Variants in CEP72 observed in about 807,000 individuals in gnomAD.
CEP72 encodes the protein centrosomal protein of 72 kDa.
CEP72 carries 78 observed loss-of-function variants against 65.7 expected under a neutral mutation model. The observed-to-expected ratio is 1.19, with a 90% CI of 0.99 to 1.43. The LOEUF (loss-of-function observed/expected upper bound fraction) is 1.43, where lower values mean the gene tolerates loss of function less well. Among genes scored for constraint, CEP72 ranks in the 40% most tolerant of loss-of-function variants. The pLI, the probability that CEP72 is intolerant of heterozygous loss-of-function variation, is 0.00. For missense variants in CEP72, 914 were observed against 832.9 expected, an observed-to-expected ratio of 1.10 and a Z score of -1.20; for synonymous variants, 358 against 351.7, an observed-to-expected ratio of 1.02 and a Z score of -0.20.
At chr5:620,295 G>T (rs763035416) in intron 3 of CEP72, 34 bp downstream of exon 3, 33 of 1,590,188 alleles carry the variant, frequency 2.1e-5, no homozygotes, top group Admixed American at 5.0e-5. Context: ...TCATGCTTTT[G>T]TCCCCGTGGG....
Position 624,115 on chromosome 5 carries a change from C to T in CEP72, c.404-356C>T, listed in dbSNP as rs1450088029. ...TCCTGGAAGTTGCAGCCTCTCGGGC[C>T]GGGCAGGCTCCCTCCGTGGAGGCTT... is the stretch of plus-strand genomic sequence containing the variant. On this transcript the variant is annotated intron_variant, in intron 3 of 11. Coordinates refer to ENST00000264935, the MANE Select transcript of CEP72 (RefSeq NM_018140.4). The surrounding 1 kb of genome is among the most constrained non-coding windows in gnomAD (Gnocchi z 4.7). Among the ~76,000 whole-genome samples, 3 of 152,184 alleles carry T rather than the reference C, an allele frequency of 2.0e-5. No homozygotes were observed. The highest frequency in any genetic ancestry group is 2.9e-5 in the Non-Finnish European group (2 of 68,038).
intron 9 of CEP72, chr5:641,568 A>G (rs1028430861): frequency 1.0e-6 from 1 of 985,242 alleles, no homozygotes; most frequent in African/African-American, 1.7e-5. Flanking sequence ...GTTTAAACGC[A>G]CGTGGCCCCC....
At chr5:635,316 T>G in intron 5 of CEP72, 56 bp from the exon 6 acceptor site, 1 of 1,344,074 alleles carries the variant, frequency 7.4e-7, no homozygotes, top group Non-Finnish European at 1.0e-6. Flanking sequence ...TAATTTTTGA[T>G]GGAATAAAAC....
intron 4 of CEP72, among the ~76,000 whole-genome samples, chr5:632,222 G>T: frequency 1.6e-5 from 1 of 63,618 alleles, no homozygotes; most frequent in East Asian, 5.5e-4. Flanking sequence ...CCAGTGTCGG[G>T]ATTTGACCCA....
At chr5:675,684 C>A in the CEP72 span, 1 of 154,688 alleles carries the variant, frequency 6.5e-6, no homozygotes, top group Non-Finnish European at 1.4e-5. Context: ...CCTTGTTGGG[C>A]CCCTGCTGGT....
chr5:628,818 G>A (rs71585251), intron 4 of CEP72, among the ~76,000 whole-genome samples: 2,599 of 102,412 alleles, frequency 0.025, 62 homozygotes, highest in East Asian at 0.067. Context: ...AACTCAGGTT[G>A]CCGTCCCCAG....
chr5:643,841 T>C (rs1738228072), intron 9 of CEP72, among the ~76,000 whole-genome samples: 1 of 152,168 alleles, frequency 6.6e-6, no homozygotes, highest in Non-Finnish European at 1.5e-5. Flanking sequence ...TTCTCCATAC[T>C]TTGAGGATAT....
At chr5:622,737 G>A (rs6886657) in intron 3 of CEP72, among the ~76,000 whole-genome samples, 6 of 150,588 alleles carry the variant, frequency 4.0e-5, no homozygotes, top group Non-Finnish European at 8.9e-5. Flanking sequence ...GGATGGGGCC[G>A]TGGACATTAA....
chr5:669,884 C>T (rs562819534), downstream of CEP72, among the ~76,000 whole-genome samples: 25 of 152,242 alleles, frequency 1.6e-4, no homozygotes, highest in African/African-American at 4.6e-4. Flanking sequence ...TCTGGCTGCC[C>T]GGCTCTCCTG....
intron 11 of CEP72, among the ~76,000 whole-genome samples, chr5:649,887 G>T (rs111206007): frequency 1.0e-4 from 10 of 96,746 alleles, no homozygotes; most frequent in East Asian, 3.6e-4. Context: ...CTGTGAGGTG[G>T]GACTGTGAGG....
chr5:620,244 C>G lies in CEP72; in HGVS notation c.386C>G (p.Pro129Arg). The change falls in exon 3 of 12, where the codon CCC becomes CGC. Residue 129 changes from proline to arginine, a missense_variant. Coordinates refer to ENST00000264935, the MANE Select transcript of CEP72 (RefSeq NM_018140.4). ...CGCCTTTTTGTTGTGCACCTGCTCC[C>G]CAAGCTCCAGCAGCTGGGTAGGCAT... ...DYRLFVVHLLPKLQQLDDRPV... is the reference protein window; with the variant it reads ...DYRLFVVHLLRKLQQLDDRPV... 1.2e-6 allele frequency: 2 copies of G among 1,613,654 alleles called. No individual in the cohort carries two copies. The highest frequency in any genetic ancestry group is 1.7e-6 in the Non-Finnish European group (2 of 1,179,556).
At chr5:617,679 C>G (rs989935371) in intron 1 of CEP72, among the ~76,000 whole-genome samples, 13 of 152,352 alleles carry the variant, frequency 8.5e-5, no homozygotes, top group African/African-American at 3.1e-4. Context: ...GAGACGATGC[C>G]TGAGGGCTAC....
downstream of CEP72, among the ~76,000 whole-genome samples, chr5:669,783 CTCTCCCCA>C (rs1250381152): frequency 6.6e-6 from 1 of 152,042 alleles, no homozygotes; most frequent in African/African-American, 2.4e-5. Flanking sequence ...GGGCGGGGAG[CTCTCCCCA>C]GGAGACCCGG....
rs1489779880 is a variant in CEP72 at position 647,799 on chromosome 5, T to A, written c.1667-6T>A. 64 of 1,598,584 alleles carry A rather than the reference T, an allele frequency of 4.0e-5. No homozygotes were observed. The highest frequency in any genetic ancestry group is 4.9e-5 in the Non-Finnish European group (58 of 1,172,412). ...AATGGTACTTTTTTTTTTCTTTCTC[T>A]TTCAGGACTTCAAACAAGTGTGAAG... On this transcript the variant is annotated splice_polypyrimidine_tract_variant and splice_region_variant and intron_variant, in intron 10 of 11. Transcript: ENST00000264935.
chr5:666,419 C>T (rs1454468951), intron 4 of CEP72, among the ~76,000 whole-genome samples: 1 of 152,242 alleles, frequency 6.6e-6, no homozygotes, highest in African/African-American at 2.4e-5. Context: ...CGGAGCCCAC[C>T]TCCTCCTCCC....
the CEP72 span, among the ~76,000 whole-genome samples, chr5:675,532 C>CA: frequency 2.0e-5 from 1 of 51,116 alleles, no homozygotes; most frequent in South Asian, 7.4e-4. Context: ...GCAGTGTGGC[C>CA]GGGGATGCCG....
In CEP72 at chr5:619,026, A is replaced by C; in HGVS notation, c.119A>C (p.Gln40Pro). 6.2e-7 allele frequency: 1 copy of C among 1,612,412 alleles called. No individual in the cohort carries two copies. The highest frequency in any genetic ancestry group is 8.5e-7 in the Non-Finnish European group (1 of 1,178,396). ...TCATTGTCTATTCCTGGAACTTACCAAGAGAAGATCACCCACCTGGGACAT... is the reference window on the plus strand; with the variant it reads ...TCATTGTCTATTCCTGGAACTTACCCAGAGAAGATCACCCACCTGGGACAT... The part of the protein sequence containing the change: ...LQSLSIPGTY[Q>P]EKITHLGHSL... Residue 40 changes from glutamine to proline, a missense_variant, in exon 2 of 12, where the codon CAA becomes CCA. Physicochemically the swap from Gln to Pro is moderately conservative, Grantham distance 76. Coordinates refer to ENST00000264935, the MANE Select transcript of CEP72 (RefSeq NM_018140.4).
chr5:612,885 C>T (rs1735763411), intron 1 of CEP72, among the ~76,000 whole-genome samples: 1 of 152,142 alleles, frequency 6.6e-6, no homozygotes, highest in Non-Finnish European at 1.5e-5. Flanking sequence ...CTGGTTTTGG[C>T]GTCAAGGTGA....
chr5:617,169 C>T (rs1157379176), intron 1 of CEP72, among the ~76,000 whole-genome samples: 2 of 152,100 alleles, frequency 1.3e-5, no homozygotes, highest in Non-Finnish European at 2.9e-5. Flanking sequence ...ATAAACAAAA[C>T]CCCAGAGTCA....
Sources: allele counts gnomAD v4.1 joint callset (sites outside exome capture counted in the v4.1 genomes callset), GRCh38; gene constraint gnomAD v4.1.1; non-coding constraint Gnocchi (gnomAD v3.1); transcripts MANE v1.5; gene names NCBI Gene and HGNC (gene_info 2026-07-23, HGNC 2026-07-21).